The following SLC16A7 variants were observed in gnomAD, a reference collection of about 807,000 sequenced individuals.
SLC16A7 encodes the protein solute carrier family 16 member 7.
In SLC16A7, 33 loss-of-function variants were observed where a neutral mutation model predicts 34.9. That is an observed-to-expected ratio of 0.94 (90% CI 0.72 to 1.26). SLC16A7 has a LOEUF of 1.26. SLC16A7 is among the 50% of genes most tolerant of loss of function. The pLI is 0.00. For missense variants in SLC16A7, 573 were observed against 578.1 expected (o/e 0.99, Z 0.09); for synonymous variants, 201 against 206.6 (o/e 0.97, Z 0.23).
chr12:59,738,523 G>A (rs1331857192), intron 3 of SLC16A7, among the ~76,000 whole-genome samples: 1 of 152,140 alleles, frequency 6.6e-6, no homozygotes, highest in East Asian at 1.9e-4. Flanking sequence ...TTCTGACATA[G>A]ACCAAGTCTC....
rs1002554169 is a variant in SLC16A7 at position 59,784,280 on chromosome 12, A to T, written c.*4601A>T. On this transcript the variant is annotated 3_prime_UTR_variant, in exon 6 of 6. Coordinates refer to ENST00000547379, the MANE Select transcript of SLC16A7 (RefSeq NM_001270623.2). ...CAGCTACTCGGGAGGCTGAGACGAG[A>T]GGGTCATTTGAGCCCAGGAAGTTGA... 2.0e-5 allele frequency: 3 copies of T among 152,240 alleles called. No homozygotes were observed. Among genetic ancestry groups the T allele is most frequent in the Admixed American group, 6.5e-5 (1 of 15,290 alleles). 9.4% of individuals were successfully genotyped at this position (152,240 alleles called of 1,614,324 possible). A position where few individuals can be genotyped will look rare whatever the true frequency, so the allele number is the denominator to read the frequency against.
intron 2 of SLC16A7, among the ~76,000 whole-genome samples, chr12:59,660,700 C>T (rs1868802109): frequency 6.6e-6 from 1 of 151,864 alleles, no homozygotes; most frequent in Admixed American, 6.6e-5. Context: ...AAGAGTGAGA[C>T]CCTGTCACAA....
At chr12:59,753,070 C>T (rs550766486) in intron 3 of SLC16A7, among the ~76,000 whole-genome samples, 2 of 150,114 alleles carry the variant, frequency 1.3e-5, no homozygotes, top group Admixed American at 1.3e-4. Flanking sequence ...GATTTTGTCA[C>T]CACAAGGCCT....
At chr12:59,677,725 C>T (rs149801482) in intron 2 of SLC16A7, among the ~76,000 whole-genome samples, 2 of 152,284 alleles carry the variant, frequency 1.3e-5, no homozygotes, top group Non-Finnish European at 2.9e-5. Context: ...TGCAAACTAG[C>T]CAAATCATTC....
chr12:59,747,766 G>C (rs1879052613), intron 3 of SLC16A7, among the ~76,000 whole-genome samples: 1 of 152,214 alleles, frequency 6.6e-6, no homozygotes, highest in African/African-American at 2.4e-5. Context: ...TGTGTAAGCA[G>C]AGGCAACCTT....
intron 2 of SLC16A7, among the ~76,000 whole-genome samples, chr12:59,676,997 G>A (rs1470898735): frequency 6.6e-6 from 1 of 152,080 alleles, no homozygotes; most frequent in Admixed American, 6.6e-5. Context: ...TCTGCACCCT[G>A]TTCCATACAG....
rs138161673 is a variant in SLC16A7 at position 59,601,378 on chromosome 12, T to C, written c.-130+5142T>C. Among the ~76,000 whole-genome samples the C allele has an allele frequency of 5.0e-4, 76 of 152,344 alleles. 2 individuals carry two copies. The East Asian group carries it at 0.012, about 23-fold the overall frequency. ...ATAAAACTACAAAGCATGCATTTGA[T>C]AAGTTTCTAAGGGATATTAACATTT... On this transcript the variant is annotated intron_variant, in intron 1 of 5. Coordinates refer to ENST00000547379, the MANE Select transcript of SLC16A7 (RefSeq NM_001270623.2).
At chr12:59,619,015 T>C (rs941446053) in intron 1 of SLC16A7, among the ~76,000 whole-genome samples, 1 of 152,084 alleles carries the variant, frequency 6.6e-6, no homozygotes, top group Admixed American at 6.6e-5. Flanking sequence ...CTCTATTTTA[T>C]TTCTCAACTA....
intron 1 of SLC16A7, among the ~76,000 whole-genome samples, chr12:59,624,504 G>A (rs1879834589): frequency 6.6e-6 from 1 of 151,644 alleles, no homozygotes; most frequent in Non-Finnish European, 1.5e-5. Context: ...TTGAAACTTG[G>A]ATTAAGCTGA....
chr12:59,633,034 T>C (rs770787973), intron 1 of SLC16A7, among the ~76,000 whole-genome samples: 5 of 151,988 alleles, frequency 3.3e-5, no homozygotes, highest in Non-Finnish European at 7.4e-5. Flanking sequence ...CTTGGTTGCA[T>C]TGAAGAATAA....
intron 1 of SLC16A7, among the ~76,000 whole-genome samples, chr12:59,629,740 T>A (rs1328855815): frequency 6.6e-6 from 1 of 151,034 alleles, no homozygotes; most frequent in Non-Finnish European, 1.5e-5. Flanking sequence ...CAATTTAGTA[T>A]ACTTTTTTTT....
chr12:59,741,727 T>C lies in SLC16A7; in HGVS notation c.218-29492T>C, dbSNP rs377172222. On this transcript the variant is annotated intron_variant, in intron 3 of 5. Transcript: ENST00000547379. ...GTAGTTAAAAGCAAGAACTTTGTGC[T>C]ATTGGTTAGTTGATTTACAGCTTAT... 3.5e-4 allele frequency among the ~76,000 whole-genome samples: 54 copies of C among 152,288 alleles called. 1 individual carries two copies. Among genetic ancestry groups the C allele is most frequent in the African/African-American group, 1.2e-3 (51 of 41,554 alleles).
intron 1 of SLC16A7, among the ~76,000 whole-genome samples, chr12:59,637,503 G>T (rs556661427): frequency 1.3e-5 from 2 of 151,322 alleles, no homozygotes; most frequent in East Asian, 1.9e-4. Flanking sequence ...GGGTTAGAAA[G>T]GTGTGAGACC....
intron 3 of SLC16A7, among the ~76,000 whole-genome samples, chr12:59,758,576 A>G (rs1394580134): frequency 6.6e-6 from 1 of 152,106 alleles, no homozygotes; most frequent in Non-Finnish European, 1.5e-5. Context: ...TAAAGCAGGG[A>G]GAAACAAAAA....
chr12:59,762,350 C>T (rs923912874), intron 3 of SLC16A7, among the ~76,000 whole-genome samples: 7 of 151,944 alleles, frequency 4.6e-5, no homozygotes, highest in African/African-American at 1.2e-4. Flanking sequence ...GAATGTGTTA[C>T]GATAAATTCA....
chr12:59,643,668 G>A (rs1880784526), intron 1 of SLC16A7, among the ~76,000 whole-genome samples: 1 of 152,104 alleles, frequency 6.6e-6, no homozygotes, highest in South Asian at 2.1e-4. Context: ...TTACAATATA[G>A]CTTACTGTAA....
intron 2 of SLC16A7, among the ~76,000 whole-genome samples, chr12:59,669,283 T>C (rs1189263317): frequency 6.6e-6 from 1 of 152,138 alleles, no homozygotes; most frequent in African/African-American, 2.4e-5. Context: ...CACATACAAT[T>C]TGAAGATAAA....
chr12:59,702,534 G>T (rs1873010197), intron 2 of SLC16A7, among the ~76,000 whole-genome samples: 1 of 151,954 alleles, frequency 6.6e-6, no homozygotes, highest in South Asian at 2.1e-4. Context: ...TTATAGAAGT[G>T]GCTTTGCCCC....
At chr12:59,756,568 C>T (rs1880374888) in intron 3 of SLC16A7, among the ~76,000 whole-genome samples, 2 of 151,986 alleles carry the variant, frequency 1.3e-5, no homozygotes, top group Non-Finnish European at 2.9e-5. Flanking sequence ...TACCATCTCA[C>T]ACCAGTTAGA....
Sources: allele counts gnomAD v4.1 joint callset (sites outside exome capture counted in the v4.1 genomes callset), GRCh38; gene constraint gnomAD v4.1.1; transcripts MANE v1.5; gene names NCBI Gene and HGNC (gene_info 2026-07-23, HGNC 2026-07-21).